The following ATXN3 variants were observed in gnomAD, a reference collection of about 807,000 sequenced individuals.
The protein encoded by ATXN3 is ataxin 3.
In ATXN3, 28 loss-of-function variants were observed where a neutral mutation model predicts 58.2. The ratio of observed to expected loss-of-function variants is 0.48; its 90% CI spans 0.36 to 0.66. The LOEUF is 0.66. Among genes scored for constraint, ATXN3 ranks in the 30% least tolerant of loss-of-function variants. ATXN3 has a pLI of 0.00. For missense variants in ATXN3, 321 were observed against 422.1 expected, an observed-to-expected ratio of 0.76 and a Z score of 2.10; for synonymous variants, 113 against 138.5, an observed-to-expected ratio of 0.82 and a Z score of 1.29.
At chr14:92,056,353 T>G (rs2057465099), downstream of ATXN3, among the ~76,000 whole-genome samples, 1 of 152,192 alleles carries the variant, frequency 6.6e-6, no homozygotes, top group Non-Finnish European at 1.5e-5. Flanking sequence ...TGCCGGTATG[T>G]AAAAAAGCTA....
chr14:92,083,145 C>A lies in ATXN3; in HGVS notation c.589G>T (p.Ala197Ser). The change falls in exon 7 of 11, where the codon GCA becomes TCA. Residue 197 changes from alanine (A) to serine (S), a missense_variant. Ala to Ser is a moderately conservative substitution (Grantham distance 99). This residue lies in a region of ATXN3 where 200 missense variants were observed against 223.2 expected (regional missense o/e 0.90). Coordinates refer to ENST00000644486, the MANE Select transcript of ATXN3 (RefSeq NM_004993.6). ...TTTTACCTTTGCTCTTTTAGTTGTGCTAATTCTTCTCCAATAAGTTTTGGT... is the reference window on the plus strand; with the variant it reads ...TTTTACCTTTGCTCTTTTAGTTGTGATAATTCTTCTCCAATAAGTTTTGGT... ...HRPKLIGEELAQLKEQRVHKT... is the reference protein window; with the variant it reads ...HRPKLIGEELSQLKEQRVHKT... The A allele has an allele frequency of 6.2e-7, 1 of 1,611,770 alleles. No homozygotes were observed. The highest frequency in any genetic ancestry group is 8.5e-7 in the Non-Finnish European group (1 of 1,179,452).
intron 5 of ATXN3, among the ~76,000 whole-genome samples, chr14:92,091,827 G>A (rs10873415): frequency 0.8 from 120,753 of 151,630 alleles, 48,353 homozygotes; most frequent in African/African-American, 0.87. Context: ...CTGGGACTAC[G>A]GCCATGCATC....
At chr14:92,094,583 G>A (rs1281796594) in intron 3 of ATXN3, among the ~76,000 whole-genome samples, 3 of 152,178 alleles carry the variant, frequency 2.0e-5, no homozygotes, top group South Asian at 2.1e-4. Context: ...CAGACTTCTA[G>A]GGTCATGGGC....
intron 9 of ATXN3, chr14:92,071,301 A>T: frequency 1.5e-6 from 1 of 686,434 alleles, no homozygotes; most frequent in Non-Finnish European, 2.5e-6. Context: ...TTCATCACAA[A>T]ATAACCTATC....
chr14:92,060,270 A>ATACACACACATATATATATATATTT lies in ATXN3; in HGVS notation c.*4049_*4050insAAATATATATATATATGTGTGTGTA, dbSNP rs1555392594. ...CACACATATATATATATATATATAT[A>ATACACACACATATATATATATATTT]TTTTTTTTTTTCAGAAACAGTGTCT... On this transcript the variant is annotated 3_prime_UTR_variant, in exon 11 of 11. Transcript: ENST00000644486. 11 of 117,402 alleles carry ATACACACACATATATATATATATTT rather than the reference A, an allele frequency of 9.4e-5. No homozygotes were observed. The highest frequency in any genetic ancestry group is 3.5e-4 in the African/African-American group (10 of 28,332). 7.3% of individuals were successfully genotyped at this position (117,402 alleles called of 1,614,324 possible).
intron 1 of ATXN3, among the ~76,000 whole-genome samples, chr14:92,106,263 C>A (rs929877686): frequency 6.6e-6 from 1 of 152,176 alleles, no homozygotes; most frequent in African/African-American, 2.4e-5. Context: ...CACTGGGCGC[C>A]ACCCCACTCC....
chr14:92,093,317 T>C lies in ATXN3; in HGVS notation c.322A>G (p.Asn108Asp). The part of the protein sequence containing the change: ...EYQRLRIDPI[N>D]ERSFICNYKE... ...TAATTGCATATAAATGATCTTTCAT[T>C]TCTAAAAAAGAAAACAGACAATATT... Residue 108 changes from asparagine to aspartate, a missense_variant and splice_region_variant, in exon 5 of 11, where the codon AAT becomes GAT. Asn to Asp is a conservative substitution (Grantham distance 23). Around this residue, in one of 2 missense-constraint regions of ATXN3, gnomAD observed 121 missense variants for 198.9 expected, o/e 0.61. Coordinates refer to ENST00000644486, the MANE Select transcript of ATXN3 (RefSeq NM_004993.6). The C allele has an allele frequency of 7.1e-7, 1 of 1,403,240 alleles. No homozygotes were observed. Among genetic ancestry groups the C allele is most frequent in the Non-Finnish European group, 1.0e-6 (1 of 1,004,302 alleles). The allele number at this position is 1,403,240 out of a possible 1,614,324, so 86.9% of individuals were successfully genotyped here.
upstream of ATXN3, among the ~76,000 whole-genome samples, chr14:92,050,939 CA>C (rs1032454389): frequency 5.1e-4 from 77 of 152,188 alleles, no homozygotes; most frequent in African/African-American, 1.8e-3. Context: ...AGAAAACCAT[CA>C]AAATGAATTT....
intron 1 of ATXN3, among the ~76,000 whole-genome samples, chr14:92,100,249 T>C (rs142951329): frequency 1.3e-5 from 2 of 152,308 alleles, no homozygotes; most frequent in African/African-American, 4.8e-5. Context: ...TCCTATGATC[T>C]AGCAATTCCA....
At position 92,088,768 on chromosome 14, in the gene ATXN3, G is replaced by A. The variant is rs761263261; in HGVS notation, c.437C>T (p.Thr146Ile). 5 of 1,612,270 alleles carry A rather than the reference G, an allele frequency of 3.1e-6. No individual in the cohort carries two copies. Among genetic ancestry groups the A allele is most frequent in the Non-Finnish European group, 3.4e-6 (4 of 1,178,818 alleles). Residue 146 changes from threonine to isoleucine, a missense_variant, in exon 6 of 11, where the codon ACA (threonine) becomes ATA (isoleucine). Around this residue, in one of 2 missense-constraint regions of ATXN3, gnomAD observed 121 missense variants for 198.9 expected, o/e 0.61. Transcript: ENST00000644486. ...TTGAGCCAAGAAAAGTGCAAGATAT[G>A]TATCTGATATTAATTCTGGACCCGT... ...LLTGPELISD[T>I]YLALFLAQLQ...
intron 9 of ATXN3, among the ~76,000 whole-genome samples, chr14:92,078,898 A>C (rs1270726014): frequency 6.6e-6 from 1 of 152,060 alleles, no homozygotes; most frequent in East Asian, 1.9e-4. Flanking sequence ...TTATAAAACG[A>C]GATTGGGCCG....
At chr14:92,080,676 G>A in intron 9 of ATXN3, 1 of 367,084 alleles carries the variant, frequency 2.7e-6, no homozygotes, top group Non-Finnish European at 5.4e-6. Context: ...TGGGACTACA[G>A]GCGCACGCTT....
In ATXN3 at chr14:92,061,049, A is replaced by T. The variant is rs1223667311; in HGVS notation, c.*3271T>A. On this transcript the variant is annotated 3_prime_UTR_variant, in exon 11 of 11. Coordinates refer to ENST00000644486, the MANE Select transcript of ATXN3 (RefSeq NM_004993.6). ...GCCCAGCCGCCACTAGCATGATTTT[A>T]AAAATAGTATCAAAAATTCAGACAA... 6.6e-6 allele frequency: 1 copy of T among 152,190 alleles called. No homozygotes were observed. The highest frequency in any genetic ancestry group is 1.5e-5 in the Non-Finnish European group (1 of 68,036). The allele number at this position is 152,190 out of a possible 1,614,324, so 9.4% of individuals were successfully genotyped here. A position where few individuals can be genotyped will look rare whatever the true frequency, so the allele number is the denominator to read the frequency against.
intron 7 of ATXN3, 101 bp downstream of exon 7, chr14:92,083,025 T>A: frequency 7.2e-7 from 1 of 1,383,380 alleles, no homozygotes; most frequent in Non-Finnish European, 9.7e-7. Context: ...CAAAATAGAG[T>A]CGCCAACAAC....
chr14:92,078,542 T>C (rs2060855963), intron 9 of ATXN3, among the ~76,000 whole-genome samples: 1 of 151,570 alleles, frequency 6.6e-6, no homozygotes, highest in African/African-American at 2.4e-5. Context: ...TTTGTATTTT[T>C]AGTAGAGATG....
intron 10 of ATXN3, 60 bp downstream of exon 10, chr14:92,070,875 G>A (rs779138425): frequency 6.2e-7 from 1 of 1,613,552 alleles, no homozygotes; most frequent in Non-Finnish European, 8.5e-7. Flanking sequence ...ATCACATGGA[G>A]CTCGTATGTC....
chr14:92,055,031 G>A (rs1324842195), downstream of ATXN3, among the ~76,000 whole-genome samples: 4 of 152,096 alleles, frequency 2.6e-5, no homozygotes, highest in African/African-American at 7.2e-5. This position sits in a 1 kb window ranked among gnomAD's most constrained non-coding sequence, Gnocchi z 4.5. Flanking sequence ...ACAGGCGTAC[G>A]CCACCACACC....
At chr14:92,091,867 A>AT (rs35361481) in intron 5 of ATXN3, among the ~76,000 whole-genome samples, 1,907 of 146,870 alleles carry the variant, frequency 0.013, 38 homozygotes, top group African/African-American at 0.037. Flanking sequence ...TTTTTCTTTC[A>AT]TTTTTTTTTT....
chr14:92,066,382 GA>G (rs1274820500), intron 10 of ATXN3, among the ~76,000 whole-genome samples: 1 of 152,052 alleles, frequency 6.6e-6, no homozygotes, highest in Non-Finnish European at 1.5e-5. Context: ...AAAAGGAGGG[GA>G]AAGTCTATTG....
Sources: allele counts gnomAD v4.1 joint callset (sites outside exome capture counted in the v4.1 genomes callset), GRCh38; gene constraint gnomAD v4.1.1; regional missense constraint gnomAD v4.1.1; non-coding constraint Gnocchi (gnomAD v3.1); transcripts MANE v1.5; gene names NCBI Gene and HGNC (gene_info 2026-07-23, HGNC 2026-07-21).